The following TNXB variants were observed in gnomAD, a reference collection of about 807,000 sequenced individuals.
TNXB encodes the protein tenascin-X.
Under a neutral mutation model 340.5 loss-of-function variants are expected in TNXB, and 183 were observed. That is an observed-to-expected ratio of 0.54 (90% confidence interval 0.48 to 0.61). The LOEUF (loss-of-function observed/expected upper bound fraction) is 0.61, where lower values mean the gene tolerates loss of function less well. Among genes scored for constraint, TNXB ranks in the 20% least tolerant of loss-of-function variants. The pLI is 0.00. For missense variants in TNXB, 4,613 were observed against 5,446.4 expected, an observed-to-expected ratio of 0.85 and a Z score of 4.82; for synonymous variants, 2,121 against 2,314.5, an observed-to-expected ratio of 0.92 and a Z score of 2.40.
chr6:32,042,502 G>A lies in TNXB; in HGVS notation c.12163C>T (p.Pro4055Ser), dbSNP rs1157116449. The A allele has an allele frequency of 6.2e-7, 1 of 1,612,728 alleles. No individual in the cohort carries two copies. The highest frequency in any genetic ancestry group is 1.1e-5 in the South Asian group (1 of 91,058). Residue 4055 changes from proline (P) to serine (S), a missense_variant, in exon 40 of 44, where the codon CCC becomes TCC. Transcript: ENST00000644971. The stretch of plus-strand genomic sequence containing the variant: ...TCCATGTCGCAAAACACGTTCAGGG[G>A]CCGCTCGCGGTTGCCGTTGAGGAAG... Reference protein sequence around the residue: ...TIFLNGNRERPLNVFCDMETD... With the variant: ...TIFLNGNRERSLNVFCDMETD...
In TNXB at chr6:32,069,445, A is replaced by G; in HGVS notation, c.5587+108T>C. 1.5e-6 allele frequency: 2 copies of G among 1,328,448 alleles called. No homozygotes were observed. The highest frequency in any genetic ancestry group is 2.0e-6 in the Non-Finnish European group (2 of 997,830). 82.3% of individuals were successfully genotyped at this position (1,328,448 alleles called of 1,614,324 possible). A position where few individuals can be genotyped will look rare whatever the true frequency, so the allele number is the denominator to read the frequency against. On this transcript the variant is annotated intron_variant, in intron 15 of 43. Coordinates refer to ENST00000644971, the MANE Select transcript of TNXB (RefSeq NM_001365276.2). This position sits in a 1 kb window ranked among gnomAD's most constrained non-coding sequence, Gnocchi z 6.2. The stretch of plus-strand genomic sequence containing the variant: ...AAAGGGGCACAAGGAAACTTTCTGG[A>G]TCAATGGAAATGATATAAAATGGGA...
Position 32,087,662 on chromosome 6 carries a change from C to A in TNXB, c.2779+1123G>T. 2.3e-6 allele frequency: 1 copy of A among 432,796 alleles called. No homozygotes were observed. The highest frequency in any genetic ancestry group is 4.7e-6 in the Non-Finnish European group (1 of 213,994). 26.8% of individuals were successfully genotyped at this position (432,796 alleles called of 1,614,324 possible). The stretch of plus-strand genomic sequence containing the variant: ...GCGGGGGAGCCGGCTGGGGCGGCGG[C>A]CAACAGACGCCGCTGCAAGTATTCA... On this transcript the variant is annotated intron_variant, in intron 6 of 43. Transcript: ENST00000644971. This position sits in a 1 kb window ranked among gnomAD's most constrained non-coding sequence, Gnocchi z 9.0.
intron 4 of TNXB, among the ~76,000 whole-genome samples, chr6:32,091,877 C>G (rs892591189): frequency 6.6e-6 from 1 of 152,188 alleles, no homozygotes; most frequent in African/African-American, 2.4e-5. Flanking sequence ...GCTTATCTCA[C>G]CCTCATTGCT....
rs1360621196 is a variant in TNXB, at chr6:32,047,178, G to A, written c.10324+556C>T. On this transcript the variant is annotated intron_variant, in intron 30 of 43. Transcript: ENST00000644971. The surrounding 1 kb of genome is among the most constrained non-coding windows in gnomAD (Gnocchi z 6.2). ...GTCCCAGGGACCCAGGCCCAGACTG[G>A]CCGGCTGCTCTGTCCTCCTCTGGGC... is the stretch of plus-strand genomic sequence containing the variant. 6.6e-6 allele frequency among the ~76,000 whole-genome samples: 1 copy of A among 152,252 alleles called. No homozygotes were observed. The highest frequency in any genetic ancestry group is 6.5e-5 in the Admixed American group (1 of 15,288).
chr6:32,062,110 G>A lies in TNXB; in HGVS notation c.7168+47C>T. 1.3e-6 allele frequency: 2 copies of A among 1,575,356 alleles called. No individual in the cohort carries two copies. The highest frequency in any genetic ancestry group is 1.7e-6 in the Non-Finnish European group (2 of 1,158,582). ...CCAGTCATCACCAAAGAGCAAGAGG[G>A]TGACCCTCCCATGGCTCCCACCCTG... On this transcript the variant is annotated intron_variant, in intron 20 of 43. Coordinates refer to ENST00000644971, the MANE Select transcript of TNXB (RefSeq NM_001365276.2). This position sits in a 1 kb window ranked among gnomAD's most constrained non-coding sequence, Gnocchi z 4.3.
intron 25 of TNXB, 123 bp downstream of exon 25, chr6:32,053,265 A>G: frequency 1.4e-6 from 2 of 1,447,646 alleles, no homozygotes; most frequent in Non-Finnish European, 9.3e-7. Context: ...GGAAGTGGGG[A>G]AAGACAAAAA....
rs527693539 is a variant in TNXB, at chr6:32,069,767, G to A, written c.5373C>T (p.Ser1791=). 9.3e-6 allele frequency: 15 copies of A among 1,609,134 alleles called. No individual in the cohort carries two copies. Among genetic ancestry groups the A allele is most frequent in the East Asian group, 4.5e-5 (2 of 44,724 alleles). The change falls in exon 15 of 44, where the codon TCC becomes TCT. Residue 1791 remains serine, a synonymous_variant. Coordinates refer to ENST00000644971, the MANE Select transcript of TNXB (RefSeq NM_001365276.2). The surrounding 1 kb of genome is among the most constrained non-coding windows in gnomAD (Gnocchi z 6.2). ...CAGGGACTGTCCAGGAGAGGCCCAC[G>A]GAGTTCTGGGTCACGGTGGTCACCT... is the stretch of plus-strand genomic sequence containing the variant. ...ELQVTTVTQN[S]VGLSWTVPEG... is the part of the protein sequence containing the mutation.
At chr6:32,103,195 C>T (rs1215984709) in intron 1 of TNXB, among the ~76,000 whole-genome samples, 1 of 151,730 alleles carries the variant, frequency 6.6e-6, no homozygotes, top group African/African-American at 2.4e-5. Flanking sequence ...CCAAGGTAGG[C>T]GGATCACTTG....
chr6:32,042,477 T>A lies in TNXB; in HGVS notation c.12188A>T (p.Glu4063Val), dbSNP rs746602426. Residue 4063 changes from glutamate (E) to valine (V), a missense_variant, in exon 40 of 44, where the codon GAG becomes GTG. Around this residue, in one of 7 missense-constraint regions of TNXB, gnomAD observed 121 missense variants for 177.4 expected, o/e 0.68. Transcript: ENST00000644971. ...ERPLNVFCDMETDGGGWLVFQ... is the reference protein window; with the variant it reads ...ERPLNVFCDMVTDGGGWLVFQ... Reference sequence around the variant, plus strand: ...CACCAGCCAGCCGCCCCCATCAGTCTCCATGTCGCAAAACACGTTCAGGGG... The same window carrying A: ...CACCAGCCAGCCGCCCCCATCAGTCACCATGTCGCAAAACACGTTCAGGGG... The A allele has an allele frequency of 6.2e-7, 1 of 1,612,532 alleles. No individual in the cohort carries two copies. Among genetic ancestry groups the A allele is most frequent in the Admixed American group, 1.7e-5 (1 of 59,974 alleles).
At position 32,050,010 on chromosome 6, in the gene TNXB, T is replaced by G; in HGVS notation, c.9427A>C (p.Ile3143Leu). ...GGQRVGPVSA[I>L]GVTEEETPSP... ...ATCATTCACTCACCCGTCACCCCAA[T>G]GGCAGACACAGGGCCTACGCGCTGG... is the stretch of plus-strand genomic sequence containing the variant. Residue 3143 changes from isoleucine (I) to leucine (L), a missense_variant, in exon 27 of 44, where the codon ATT becomes CTT. This residue lies in a region of TNXB where 4,327 missense variants were observed against 4,859.4 expected (regional missense o/e 0.89). Transcript: ENST00000644971. 6.2e-7 allele frequency: 1 copy of G among 1,613,700 alleles called. No homozygotes were observed. The highest frequency in any genetic ancestry group is 1.7e-5 in the Admixed American group (1 of 60,026).
rs976616201 is a variant in TNXB at position 32,084,142 on chromosome 6, C to T, written c.3445+271G>A. Among the ~76,000 whole-genome samples the T allele has an allele frequency of 6.6e-6, 1 of 152,202 alleles. No homozygotes were observed. The highest frequency in any genetic ancestry group is 1.5e-5 in the Non-Finnish European group (1 of 68,036). ...CCCTGAGACCAGGCCCTTTGGCACC[C>T]CCCACATGCCCTGTTCTCCAGCCAG... On this transcript the variant is annotated intron_variant, in intron 8 of 43. Transcript: ENST00000644971. This position sits in a 1 kb window ranked among gnomAD's most constrained non-coding sequence, Gnocchi z 5.5.
In TNXB at chr6:32,068,300, C is replaced by T. The variant is rs113930600; in HGVS notation, c.6220+90G>A. On this transcript the variant is annotated intron_variant, in intron 17 of 43. Transcript: ENST00000644971. This position sits in a 1 kb window ranked among gnomAD's most constrained non-coding sequence, Gnocchi z 5.3. ...AAGCAGGTCTGTGGTGCTGACCAGA[C>T]CCTTGTCCCATTCCCCACCAGTCAT... 2.0e-6 allele frequency: 3 copies of T among 1,522,140 alleles called. No homozygotes were observed. The African/African-American group carries it at 4.1e-5, about 21-fold the overall frequency. 94.3% of individuals were successfully genotyped at this position (1,522,140 alleles called of 1,614,324 possible). A position where few individuals can be genotyped will look rare whatever the true frequency, so the allele number is the denominator to read the frequency against.
chr6:32,082,106 C>T lies in TNXB; in HGVS notation c.3666G>A (p.Lys1222=). The part of the protein sequence containing the change: ...FVVSSLDPDH[K]YRFTLFGIAN... ...CAATTCCAAACAGAGTGAATCTGTA[C>T]TTGTGGTCAGGGTCCAGTGAGGAGA... Residue 1222 remains lysine (K), a synonymous_variant, in exon 9 of 44, where the codon AAG becomes AAA. Transcript: ENST00000644971. This position sits in a 1 kb window ranked among gnomAD's most constrained non-coding sequence, Gnocchi z 5.0. 3.1e-6 allele frequency: 5 copies of T among 1,611,134 alleles called. No individual in the cohort carries two copies. Among genetic ancestry groups the T allele is most frequent in the Non-Finnish European group, 2.5e-6 (3 of 1,178,928 alleles).
At position 32,055,966 on chromosome 6, in the gene TNXB, G is replaced by C; in HGVS notation, c.8352C>G (p.Gly2784=). The change falls in exon 24 of 44, where the codon GGC becomes GGG. Residue 2784 remains glycine, a synonymous_variant. Coordinates refer to ENST00000644971, the MANE Select transcript of TNXB (RefSeq NM_001365276.2). ...CCCCCACGGTGACCTCGCTCTCCTC[G>C]CCCCTGACACGCATCACCTGGGGCC... The part of the protein sequence containing the change: ...DGRPQVMRVR[G]EESEVTVGGL... The C allele has an allele frequency of 1.9e-6, 3 of 1,613,430 alleles. No homozygotes were observed. The highest frequency in any genetic ancestry group is 2.5e-6 in the Non-Finnish European group (3 of 1,179,870).
rs761041229 is a variant in TNXB at position 32,042,189 on chromosome 6, G to C, written c.12308-16C>G. 2 of 732,626 alleles carry C rather than the reference G, an allele frequency of 2.7e-6. No individual in the cohort carries two copies. The highest frequency in any genetic ancestry group is 4.6e-6 in the Non-Finnish European group (2 of 435,644). The allele number at this position is 732,626 out of a possible 1,614,324, so 45.4% of individuals were successfully genotyped here. A position where few individuals can be genotyped will look rare whatever the true frequency, so the allele number is the denominator to read the frequency against. Reference sequence around the variant, plus strand: ...GCCTCATTGCCTGGGGGTGGGATACGTGCCCTCATCAGGGTCCTGGTGTCC... The same window carrying C: ...GCCTCATTGCCTGGGGGTGGGATACCTGCCCTCATCAGGGTCCTGGTGTCC... On this transcript the variant is annotated splice_polypyrimidine_tract_variant and intron_variant, in intron 41 of 43. Coordinates refer to ENST00000644971, the MANE Select transcript of TNXB (RefSeq NM_001365276.2).
intron 24 of TNXB, among the ~76,000 whole-genome samples, chr6:32,053,936 C>T (rs1325450656): frequency 6.6e-6 from 1 of 150,646 alleles, no homozygotes; most frequent in African/African-American, 2.4e-5. Context: ...CAGGCCACCT[C>T]TCCCTGTCCC....
chr6:32,056,496 C>T (rs2151901384), intron 23 of TNXB, 90 bp downstream of exon 23: 1 of 1,543,316 alleles, frequency 6.5e-7, no homozygotes, highest in East Asian at 2.4e-5. Flanking sequence ...GCTGACCGGA[C>T]CCCTGGCCCA....
intron 4 of TNXB, among the ~76,000 whole-genome samples, chr6:32,091,483 T>TC (rs1780072800): frequency 6.6e-6 from 1 of 151,028 alleles, no homozygotes; most frequent in African/African-American, 2.4e-5. Context: ...TTCACTGATT[T>TC]TTTTTTTTTT....
Position 32,087,483 on chromosome 6 carries a change from G to T in TNXB, c.2779+1302C>A. On this transcript the variant is annotated intron_variant, in intron 6 of 43. Transcript: ENST00000644971. This position sits in a 1 kb window ranked among gnomAD's most constrained non-coding sequence, Gnocchi z 9.0. The stretch of plus-strand genomic sequence containing the variant: ...CGAGAGACACGAGAAGCGCGCCATC[G>T]GCGGAACTGCCCAGCACCTCTGGCT... 1 of 490,804 alleles carries T rather than the reference G, an allele frequency of 2.0e-6. No homozygotes were observed. Among genetic ancestry groups the T allele is most frequent in the Non-Finnish European group, 4.0e-6 (1 of 247,448 alleles). 30.4% of individuals were successfully genotyped at this position (490,804 alleles called of 1,614,324 possible).
Sources: allele counts gnomAD v4.1 joint callset (sites outside exome capture counted in the v4.1 genomes callset), GRCh38; gene constraint gnomAD v4.1.1; regional missense constraint gnomAD v4.1.1; non-coding constraint Gnocchi (gnomAD v3.1); transcripts MANE v1.5; gene names NCBI Gene and HGNC (gene_info 2026-07-23, HGNC 2026-07-21).